Variants in BARD1 observed in about 807,000 individuals in gnomAD.
The protein encoded by BARD1 is BRCA1 associated RING domain 1.
In BARD1, 73 loss-of-function variants were observed where a neutral mutation model predicts 77.0. The observed-to-expected ratio is 0.95, with a 90% confidence interval of 0.79 to 1.15. The LOEUF (loss-of-function observed/expected upper bound fraction) is 1.15. BARD1 is among the 50% of genes most tolerant of loss of function. BARD1 has a pLI of 0.00. For missense variants in BARD1, 993 were observed against 938.8 expected, an observed-to-expected ratio of 1.06 and a Z score of -0.75; for synonymous variants, 384 against 338.0, an observed-to-expected ratio of 1.14 and a Z score of -1.49.
chr2:214,797,831 T>C (rs1695827056), intron 1 of BARD1, among the ~76,000 whole-genome samples: 2 of 152,290 alleles, frequency 1.3e-5, no homozygotes, highest in East Asian at 1.9e-4. Context: ...TGTCTGCAGA[T>C]AGAATGAAGT....
In BARD1 at chr2:214,730,500, C is replaced by T. The variant is rs756136465; in HGVS notation, c.1912G>A (p.Ala638Thr). 3.1e-6 allele frequency: 5 copies of T among 1,613,504 alleles called. No individual in the cohort carries two copies. In the East Asian group the frequency reaches 8.9e-5, roughly 29 times the overall value. ...TCACATACTTTTCTTCGTAGACATG[C>T]TTTTACCCCTGACAAAAACACAAGA... ...CWILKFEWVKACLRRKVCEQE... is the reference protein window; with the variant it reads ...CWILKFEWVKTCLRRKVCEQE... Residue 638 changes from alanine (A) to threonine (T), a missense_variant, in exon 10 of 11, where the codon GCA becomes ACA. Transcript: ENST00000260947.
At chr2:214,760,510 G>T (rs1693905732) in intron 6 of BARD1, among the ~76,000 whole-genome samples, 1 of 152,044 alleles carries the variant, frequency 6.6e-6, no homozygotes, top group Admixed American at 6.6e-5. Flanking sequence ...TATTAATAAT[G>T]CCAGAACATG....
At chr2:214,800,028 G>T (rs1695943909) in intron 1 of BARD1, among the ~76,000 whole-genome samples, 1 of 152,072 alleles carries the variant, frequency 6.6e-6, no homozygotes, top group Non-Finnish European at 1.5e-5. Flanking sequence ...ACCTCTCCAT[G>T]TAGGCATACC....
chr2:214,776,388 T>C (rs3768711), intron 4 of BARD1, among the ~76,000 whole-genome samples: 23,224 of 152,202 alleles, frequency 0.15, 2,131 homozygotes, highest in East Asian at 0.42. Flanking sequence ...GAATAAACAA[T>C]GAGTATCTTA....
At chr2:214,743,777 GT>G (rs1392805577) in intron 9 of BARD1, among the ~76,000 whole-genome samples, 2 of 152,102 alleles carry the variant, frequency 1.3e-5, no homozygotes, top group African/African-American at 4.8e-5. Context: ...ACAGAAGGGG[GT>G]TTGCCATGTT....
intron 7 of BARD1, among the ~76,000 whole-genome samples, chr2:214,750,325 A>G (rs1317844132): frequency 1.3e-5 from 2 of 152,236 alleles, no homozygotes; most frequent in Non-Finnish European, 2.9e-5. Flanking sequence ...TTATAAACAC[A>G]CTGAAGGTAC....
At chr2:214,771,669 A>C (rs1486031981) in intron 4 of BARD1, among the ~76,000 whole-genome samples, 1 of 151,912 alleles carries the variant, frequency 6.6e-6, no homozygotes, top group East Asian at 1.9e-4. Flanking sequence ...CGGAGGTTGC[A>C]GTGAGTTGAG....
chr2:214,753,558 G>A (rs546917147), intron 6 of BARD1, among the ~76,000 whole-genome samples: 1 of 152,024 alleles, frequency 6.6e-6, no homozygotes, highest in Non-Finnish European at 1.5e-5. Context: ...TCTGTAAATT[G>A]TATCAAATGT....
chr2:214,785,529 C>CTAA (rs1695232571), intron 3 of BARD1, among the ~76,000 whole-genome samples: 1 of 151,784 alleles, frequency 6.6e-6, no homozygotes, highest in African/African-American at 2.4e-5. Context: ...CAAATGTTTA[C>CTAA]GTAAGAGATG....
chr2:214,740,112 TCTC>T lies in BARD1; in HGVS notation c.1903+4952_1903+4954del, dbSNP rs561461510. On this transcript the variant is annotated intron_variant, in intron 9 of 10. Coordinates refer to ENST00000260947, the MANE Select transcript of BARD1 (RefSeq NM_000465.4). ...CGAACACAGTCTAACGTCCAAAAAT[TCTC>T]CTAATTATTAGAAAACTCATGCTCA... is the stretch of plus-strand genomic sequence containing the variant. 1.4e-3 allele frequency among the ~76,000 whole-genome samples: 218 copies of T among 152,080 alleles called. 1 individual carries two copies. Among genetic ancestry groups the T allele is most frequent in the African/African-American group, 4.8e-3 (198 of 41,548 alleles).
At chr2:214,798,979 T>C (rs1695887968) in intron 1 of BARD1, among the ~76,000 whole-genome samples, 2 of 152,082 alleles carry the variant, frequency 1.3e-5, no homozygotes, top group South Asian at 4.2e-4. Flanking sequence ...TAGCCAGGTG[T>C]GGTGGTGCAT....
chr2:214,768,649 T>C (rs1354812935), intron 5 of BARD1, among the ~76,000 whole-genome samples: 1 of 152,230 alleles, frequency 6.6e-6, no homozygotes, highest in African/African-American at 2.4e-5. Context: ...CTCATGTTTG[T>C]CCTAATGTAA....
chr2:214,756,563 A>C (rs1210518888), intron 6 of BARD1, among the ~76,000 whole-genome samples: 1 of 152,240 alleles, frequency 6.6e-6, no homozygotes, highest in Non-Finnish European at 1.5e-5. Context: ...CAACTGCAAA[A>C]ATGTGGAACC....
chr2:214,751,794 C>T (rs1693466402), intron 7 of BARD1, among the ~76,000 whole-genome samples: 1 of 152,190 alleles, frequency 6.6e-6, no homozygotes, highest in African/African-American at 2.4e-5. Context: ...CTGCTAAGGT[C>T]ATACTTATTC....
chr2:214,747,424 C>G lies in BARD1; in HGVS notation c.1678-1570G>C, dbSNP rs376064655. Among the ~76,000 whole-genome samples, 285 of 145,102 alleles carry G rather than the reference C, an allele frequency of 2.0e-3. 1 individual carries two copies. The highest frequency in any genetic ancestry group is 6.7e-3 in the African/African-American group (261 of 38,716). On this transcript the variant is annotated intron_variant, in intron 7 of 10. Transcript: ENST00000260947. ...ATGCACACGTATGTTTACTGCGGCA[C>G]TATTCACAATAGCAAAGACTTGGAA...
chr2:214,742,147 A>G (rs1313867145), intron 9 of BARD1, among the ~76,000 whole-genome samples: 1 of 152,242 alleles, frequency 6.6e-6, no homozygotes, highest in African/African-American at 2.4e-5. Flanking sequence ...AAATCTTTAA[A>G]ATTAATTTTG....
At chr2:214,759,147 A>C (rs1466840673) in intron 6 of BARD1, among the ~76,000 whole-genome samples, 1 of 152,188 alleles carries the variant, frequency 6.6e-6, no homozygotes, top group Non-Finnish European at 1.5e-5. Flanking sequence ...TCTGGCAATT[A>C]ATTTTTTAAA....
In BARD1 at chr2:214,791,095, C is replaced by T. The variant is rs147788516; in HGVS notation, c.364+1202G>A. Reference sequence around the variant, plus strand: ...CTACAATATCATTTTTAAAAAACGGCAACTTTTAAAAATGTGTGTGTATAG... The same window carrying T: ...CTACAATATCATTTTTAAAAAACGGTAACTTTTAAAAATGTGTGTGTATAG... On this transcript the variant is annotated intron_variant, in intron 3 of 10. Transcript: ENST00000260947. Among the ~76,000 whole-genome samples the T allele has an allele frequency of 6.2e-3, 945 of 152,224 alleles. 5 individuals are homozygous for T. The highest frequency in any genetic ancestry group is 0.01 in the Non-Finnish European group (709 of 67,998).
intron 7 of BARD1, among the ~76,000 whole-genome samples, chr2:214,749,435 T>C (rs956793683): frequency 6.6e-6 from 1 of 152,104 alleles, no homozygotes; most frequent in Non-Finnish European, 1.5e-5. Flanking sequence ...AGACAGTAAA[T>C]AGTAAAACTC....
Sources: allele counts gnomAD v4.1 joint callset (sites outside exome capture counted in the v4.1 genomes callset), GRCh38; gene constraint gnomAD v4.1.1; transcripts MANE v1.5; gene names NCBI Gene and HGNC (gene_info 2026-07-23, HGNC 2026-07-21).